MYOM3: variants seen among roughly 807,000 people sequenced by gnomAD.
MYOM3 encodes the protein myomesin 3.
In MYOM3, 155 loss-of-function variants were observed where a neutral mutation model predicts 191.7. The observed-to-expected ratio is 0.81, with a 90% CI of 0.71 to 0.92. The LOEUF is 0.92. Ranked by LOEUF, MYOM3 falls within the 40% of genes least tolerant of loss-of-function variation. The probability of loss-of-function intolerance (pLI) is 0.00; values close to 1 mark genes in which losing one functional copy is unlikely to be tolerated. For synonymous variants in MYOM3, 757 were observed against 762.9 expected, an observed-to-expected ratio of 0.99 and a Z score of 0.13; for missense variants, 1,889 against 1,890.6, an observed-to-expected ratio of 1.00 and a Z score of 0.02.
At chr1:24,066,738 G>T in intron 28 of MYOM3, 1 of 455,878 alleles carries the variant, frequency 2.2e-6, no homozygotes, top group Non-Finnish European at 3.9e-6. Context: ...AAACCCTCGT[G>T]GGCTCCTAGA....
chr1:24,090,325 A>G (rs1643801140), intron 12 of MYOM3, among the ~76,000 whole-genome samples: 1 of 152,130 alleles, frequency 6.6e-6, no homozygotes, highest in African/African-American at 2.4e-5. Flanking sequence ...GCCCTGGCAC[A>G]TGCTCTTCCT....
intron 1 of MYOM3, among the ~76,000 whole-genome samples, chr1:24,110,118 G>C (rs1178321213): frequency 1.3e-5 from 2 of 152,178 alleles, no homozygotes; most frequent in Non-Finnish European, 1.5e-5. Flanking sequence ...GTCTCTGAGG[G>C]CCCCCCTGAT....
chr1:24,071,183 T>C lies in MYOM3; in HGVS notation c.3084A>G (p.Val1028=). ...ERGEVRLWLE[V]EKLSPAAELH... ...GCTCAGCGGCTGGAGATAACTTTTC[T>C]ACTTCCAGCCAAAGCCGCACCTCCC... The change falls in exon 25 of 37, where the codon GTA becomes GTG. Residue 1028 remains valine, a synonymous_variant. Coordinates refer to ENST00000374434, the MANE Select transcript of MYOM3 (RefSeq NM_152372.4). 1 of 1,614,140 alleles carries C rather than the reference T, an allele frequency of 6.2e-7. No individual in the cohort carries two copies. The highest frequency in any genetic ancestry group is 8.5e-7 in the Non-Finnish European group (1 of 1,180,000).
rs1643677152 is a variant in MYOM3 at position 24,082,090 on chromosome 1, T to G, written c.2191A>C (p.Ile731Leu). 6.2e-7 allele frequency: 1 copy of G among 1,613,106 alleles called. No individual in the cohort carries two copies. Among genetic ancestry groups the G allele is most frequent in the Non-Finnish European group, 8.5e-7 (1 of 1,179,914 alleles). ...KPPKRRGGGKILGYFLDQHDS... is the reference protein window; with the variant it reads ...KPPKRRGGGKLLGYFLDQHDS... ...TGCTGGTCCAGGAAGTAGCCCAGGA[T>G]CTTGCCACCTCCACGACGCTTGGGG... The change falls in exon 18 of 37, where the codon ATC becomes CTC. Residue 731 changes from isoleucine (I) to leucine (L), a missense_variant. Ile to Leu is a conservative substitution (Grantham distance 5). Transcript: ENST00000374434.
chr1:24,065,902 A>C lies in MYOM3; in HGVS notation c.3523T>G (p.Cys1175Gly). Residue 1175 changes from cysteine to glycine, a missense_variant, in exon 29 of 37, where the codon TGC (cysteine) becomes GGC (glycine). Coordinates refer to ENST00000374434, the MANE Select transcript of MYOM3 (RefSeq NM_152372.4). ...GGAGCCACACTTGCCTCTTCAATGCAGAGAAGTCCCGTTCCCGTCTCTGGG... is the reference window on the plus strand; with the variant it reads ...GGAGCCACACTTGCCTCTTCAATGCCGAGAAGTCCCGTTCCCGTCTCTGGG... ...YDPETGTGLL[C>G]IEELSKKDKG... The C allele has an allele frequency of 1.2e-6, 2 of 1,610,582 alleles. No homozygotes were observed. Among genetic ancestry groups the C allele is most frequent in the African/African-American group, 1.3e-5 (1 of 74,982 alleles).
At chr1:24,076,552 CGCCCAGGCTGGAGT>C (rs2148548575) in intron 20 of MYOM3, among the ~76,000 whole-genome samples, 1 of 46,706 alleles carries the variant, frequency 2.1e-5, no homozygotes, top group South Asian at 4.9e-4. Flanking sequence ...CTCGCTCTGT[CGCCCAGGCTGGAGT>C]GCAGTGGCGG....
Position 24,111,442 on chromosome 1 carries a change from G to A in MYOM3, c.-19+589C>T, listed in dbSNP as rs532180973. Among the ~76,000 whole-genome samples the A allele has an allele frequency of 2.6e-5, 4 of 152,342 alleles. No homozygotes were observed. The highest frequency in any genetic ancestry group is 2.9e-5 in the Non-Finnish European group (2 of 68,034). ...GGCGGCGGGTGGCACAGGCTGGGAC[G>A]TGTTCTTAGCCAGTGGCTCCACCAG... On this transcript the variant is annotated intron_variant, in intron 1 of 36. Transcript: ENST00000374434. This position sits in a 1 kb window ranked among gnomAD's most constrained non-coding sequence, Gnocchi z 4.7.
rs1643647519 is a variant in MYOM3 at position 24,080,044 on chromosome 1, G to A, written c.2558C>T (p.Pro853Leu). Reference sequence around the variant, plus strand: ...CAGGTGGGTGCCAGAGATGGGGCCTGGGGTGACCGGCTTCCACTGCTCAGA... The same window carrying A: ...CAGGTGGGTGCCAGAGATGGGGCCTAGGGTGACCGGCTTCCACTGCTCAGA... ...EGSEQWKPVT[P>L]GPISGTHLRV... Residue 853 changes from proline to leucine, a missense_variant, in exon 20 of 37, where the codon CCA becomes CTA. Pro to Leu is a moderately conservative substitution (Grantham distance 98). Transcript: ENST00000374434. 2 of 1,613,800 alleles carry A rather than the reference G, an allele frequency of 1.2e-6. No individual in the cohort carries two copies. The highest frequency in any genetic ancestry group is 1.7e-6 in the Non-Finnish European group (2 of 1,179,934).
At position 24,056,785 on chromosome 1, in the gene MYOM3, G is replaced by C. The variant is rs954817187; in HGVS notation, c.*579C>G. On this transcript the variant is annotated 3_prime_UTR_variant, in exon 37 of 37. Coordinates refer to ENST00000374434, the MANE Select transcript of MYOM3 (RefSeq NM_152372.4). ...TGCTTTATAATCTTTATCATGTCCT[G>C]CCTTGTCCTGGAGTTGTTTGCGCCC... 2 of 152,708 alleles carry C rather than the reference G, an allele frequency of 1.3e-5. No homozygotes were observed. The highest frequency in any genetic ancestry group is 4.8e-5 in the African/African-American group (2 of 41,434). 9.5% of individuals were successfully genotyped at this position (152,708 alleles called of 1,614,324 possible). A position where few individuals can be genotyped will look rare whatever the true frequency, so the allele number is the denominator to read the frequency against.
intron 30 of MYOM3, 70 bp downstream of exon 30, chr1:24,064,002 T>C: frequency 7.0e-6 from 8 of 1,146,422 alleles, no homozygotes; most frequent in Non-Finnish European, 1.0e-5. Flanking sequence ...TAAATCTTAC[T>C]GCACAGATCA....
Position 24,097,923 on chromosome 1 carries a change from T to C in MYOM3, c.745A>G (p.Thr249Ala), listed in dbSNP as rs1167790296. 1.2e-6 allele frequency: 2 copies of C among 1,610,524 alleles called. No homozygotes were observed. The highest frequency in any genetic ancestry group is 1.7e-6 in the Non-Finnish European group (2 of 1,176,704). The change falls in exon 7 of 37, where the codon ACT becomes GCT. Residue 249 changes from threonine (T) to alanine (A), a missense_variant and splice_region_variant. By Grantham distance (58) the Thr-to-Ala change is moderately conservative. Coordinates refer to ENST00000374434, the MANE Select transcript of MYOM3 (RefSeq NM_152372.4). ...GCCTGTTGGGGTTGGGAGGACTTACTGCGGACGAGGACTTTGGCGAAGGAG... is the reference window on the plus strand; with the variant it reads ...GCCTGTTGGGGTTGGGAGGACTTACCGCGGACGAGGACTTTGGCGAAGGAG... ...ASSFAKVLVR[T>A]YLGKDAGFDS...
At chr1:24,102,121 C>T (rs1162459729) in intron 5 of MYOM3, among the ~76,000 whole-genome samples, 1 of 152,174 alleles carries the variant, frequency 6.6e-6, no homozygotes, top group East Asian at 1.9e-4. Context: ...AGAGGGCACC[C>T]CAGCCTCAGC....
Position 24,071,220 on chromosome 1 carries a change from A to G in MYOM3, c.3047T>C (p.Ile1016Thr). ...IKLISGWNID[I>T]LERGEVRLWL... ...AAGCCGCACCTCCCCTCGCTCCAGG[A>G]TGTCAATGTTCCAGCCGGAGATCAG... is the stretch of plus-strand genomic sequence containing the variant. Residue 1016 changes from isoleucine (I) to threonine (T), a missense_variant, in exon 25 of 37, where the codon ATC (isoleucine) becomes ACC (threonine). Physicochemically the swap from Ile to Thr is moderately conservative, Grantham distance 89. Transcript: ENST00000374434. 1 of 1,613,858 alleles carries G rather than the reference A, an allele frequency of 6.2e-7. No individual in the cohort carries two copies. Among genetic ancestry groups the G allele is most frequent in the Admixed American group, 1.7e-5 (1 of 59,994 alleles).
Position 24,097,942 on chromosome 1 carries a change from G to T in MYOM3, c.726C>A (p.Phe242Leu). 1 of 1,613,398 alleles carries T rather than the reference G, an allele frequency of 6.2e-7. No individual in the cohort carries two copies. The highest frequency in any genetic ancestry group is 8.5e-7 in the Non-Finnish European group (1 of 1,179,282). ...ACTTACTGCGGACGAGGACTTTGGC[G>T]AAGGAGGAGGCCTGGCCGTGGGCGT... Reference protein sequence around the residue: ...VKNAHGQASSFAKVLVRTYLG... With the variant: ...VKNAHGQASSLAKVLVRTYLG... The change falls in exon 7 of 37, where the codon TTC becomes TTA. Residue 242 changes from phenylalanine to leucine, a missense_variant. Phe to Leu is a conservative substitution (Grantham distance 22). Transcript: ENST00000374434.
In MYOM3 at chr1:24,076,658, C is replaced by T. The variant is rs1162048273; in HGVS notation, c.2587-385G>A. ...CCTCCCAAGTAGCTGGGACTACAGGCGCCCGCCACTACGCCCGGCTAATTT... is the reference window on the plus strand; with the variant it reads ...CCTCCCAAGTAGCTGGGACTACAGGTGCCCGCCACTACGCCCGGCTAATTT... On this transcript the variant is annotated intron_variant, in intron 20 of 36. Coordinates refer to ENST00000374434, the MANE Select transcript of MYOM3 (RefSeq NM_152372.4). Among the ~76,000 whole-genome samples the T allele has an allele frequency of 7.8e-5, 8 of 102,048 alleles. 2 individuals are homozygous for T. Among genetic ancestry groups the T allele is most frequent in the South Asian group, 7.8e-4 (3 of 3,838 alleles). 66.9% of individuals were successfully genotyped at this position (102,048 alleles called of 152,430 possible).
chr1:24,061,804 C>T, intron 33 of MYOM3, 142 bp downstream of exon 33: 2 of 846,794 alleles, frequency 2.4e-6, no homozygotes, highest in Non-Finnish European at 1.9e-6. Flanking sequence ...GTTGCCCAGA[C>T]TGGTCTCAAA....
At position 24,092,223 on chromosome 1, in the gene MYOM3, G is replaced by A. The variant is rs1643847931; in HGVS notation, c.1183C>T (p.Pro395Ser). Residue 395 changes from proline (P) to serine (S), a missense_variant, in exon 11 of 37, where the codon CCG becomes TCG. Transcript: ENST00000374434. ...GGGTTGCCCCGGGTGTCACTGGGCG[G>A]GGCCCAAGTCAGGATGAGGCAGTCT... ...NRDCLILTWA[P>S]PSDTRGNPIT... 6.9e-7 allele frequency: 1 copy of A among 1,448,558 alleles called. No homozygotes were observed. The highest frequency in any genetic ancestry group is 9.1e-7 in the Non-Finnish European group (1 of 1,092,916). 89.7% of individuals were successfully genotyped at this position (1,448,558 alleles called of 1,614,324 possible).
chr1:24,058,505 T>C (rs1216322770), intron 36 of MYOM3, among the ~76,000 whole-genome samples: 2 of 152,192 alleles, frequency 1.3e-5, no homozygotes, highest in Non-Finnish European at 1.5e-5. Flanking sequence ...ATTACCTTGA[T>C]GGCTAAAGAA....
chr1:24,060,559 C>G (rs1643357894), intron 35 of MYOM3, among the ~76,000 whole-genome samples: 1 of 152,210 alleles, frequency 6.6e-6, no homozygotes. Flanking sequence ...CAGACTCCTA[C>G]CACCAGGCCG....
Sources: allele counts gnomAD v4.1 joint callset (sites outside exome capture counted in the v4.1 genomes callset), GRCh38; gene constraint gnomAD v4.1.1; non-coding constraint Gnocchi (gnomAD v3.1); transcripts MANE v1.5; gene names NCBI Gene and HGNC (gene_info 2026-07-23, HGNC 2026-07-21).